The following FSTL4 variants were observed in gnomAD, a reference collection of about 807,000 sequenced individuals.
FSTL4 encodes follistatin-related protein 4.
FSTL4 carries 28 observed loss-of-function variants against 78.2 expected under a neutral mutation model. That is an observed-to-expected ratio of 0.36 (90% confidence interval 0.27 to 0.49). The LOEUF (loss-of-function observed/expected upper bound fraction) is 0.49. Among genes scored for constraint, FSTL4 ranks in the 20% least tolerant of loss-of-function variants. The pLI, the probability that FSTL4 is intolerant of heterozygous loss-of-function variation, is 0.98. For synonymous variants in FSTL4, 422 were observed against 440.5 expected (o/e 0.96, Z 0.53); for missense variants, 922 against 1,084.9 (o/e 0.85, Z 2.11).
intron 6 of FSTL4, among the ~76,000 whole-genome samples, chr5:133,256,992 C>A (rs1009234197): frequency 3.0e-4 from 46 of 152,202 alleles, no homozygotes; most frequent in African/African-American, 1.1e-3. Flanking sequence ...GAACAAACAC[C>A]TTTGTAAGCT....
intron 3 of FSTL4, among the ~76,000 whole-genome samples, chr5:133,556,557 C>T (rs762072555): frequency 1.3e-5 from 2 of 152,126 alleles, no homozygotes; most frequent in Non-Finnish European, 2.9e-5. Context: ...GAAACCCCGT[C>T]TCTACCAAAA....
intron 3 of FSTL4, among the ~76,000 whole-genome samples, chr5:133,497,445 T>C (rs571875907): frequency 1.3e-4 from 20 of 152,352 alleles, no homozygotes; most frequent in African/African-American, 3.4e-4. Flanking sequence ...CCATAGCTGC[T>C]GAGAGTATTT....
chr5:133,486,108 T>A (rs558794848), intron 3 of FSTL4, among the ~76,000 whole-genome samples: 1 of 151,684 alleles, frequency 6.6e-6, no homozygotes, highest in African/African-American at 2.4e-5. Context: ...CACGGGCTCA[T>A]GGAGGAGAAT....
chr5:133,650,327 G>A, the FSTL4 span, among the ~76,000 whole-genome samples: 1 of 152,064 alleles, frequency 6.6e-6, no homozygotes, highest in Non-Finnish European at 1.5e-5. Context: ...TTTCTTTTAT[G>A]GGTTGTGCCT....
intron 6 of FSTL4, among the ~76,000 whole-genome samples, chr5:133,278,027 G>C (rs928733874): frequency 1.3e-5 from 2 of 152,168 alleles, no homozygotes; most frequent in African/African-American, 4.8e-5. Flanking sequence ...GCAGGAGGGT[G>C]AGCCTAATTC....
At chr5:133,556,970 G>A (rs983555517) in intron 3 of FSTL4, among the ~76,000 whole-genome samples, 3 of 152,130 alleles carry the variant, frequency 2.0e-5, no homozygotes, top group African/African-American at 7.2e-5. Context: ...ATGTGCTTTG[G>A]CTAAAGTGCT....
At chr5:133,677,970 T>C in the FSTL4 span, among the ~76,000 whole-genome samples, 1 of 152,234 alleles carries the variant, frequency 6.6e-6, no homozygotes, top group African/African-American at 2.4e-5. Context: ...AAGTGCAACA[T>C]GATGTTTTGA....
the FSTL4 span, among the ~76,000 whole-genome samples, chr5:133,775,261 T>G: frequency 6.6e-6 from 1 of 152,238 alleles, no homozygotes; most frequent in Non-Finnish European, 1.5e-5. Context: ...CAAGCCTGAA[T>G]AGGGAAATTA....
intron 2 of FSTL4, among the ~76,000 whole-genome samples, chr5:133,589,474 G>T (rs1760577996): frequency 6.6e-6 from 1 of 152,048 alleles, no homozygotes; most frequent in South Asian, 2.1e-4. Context: ...TAGCTGCCAA[G>T]TCCCCAGTGG....
chr5:133,786,908 T>G, the FSTL4 span, among the ~76,000 whole-genome samples: 1 of 152,168 alleles, frequency 6.6e-6, no homozygotes, highest in Non-Finnish European at 1.5e-5. Flanking sequence ...CCATTCTCAT[T>G]TCACAGATAA....
the FSTL4 span, among the ~76,000 whole-genome samples, chr5:133,753,260 G>A: frequency 6.6e-6 from 1 of 152,176 alleles, no homozygotes; most frequent in African/African-American, 2.4e-5. Context: ...GAGATCTGGA[G>A]GGTTCTTTTG....
the FSTL4 span, among the ~76,000 whole-genome samples, chr5:133,740,177 C>A: frequency 1.8e-4 from 28 of 152,176 alleles, no homozygotes; most frequent in Non-Finnish European, 4.0e-4. Flanking sequence ...CACCACCACA[C>A]CCAGTCCGAA....
At chr5:133,652,384 A>C in the FSTL4 span, among the ~76,000 whole-genome samples, 1 of 152,164 alleles carries the variant, frequency 6.6e-6, no homozygotes, top group East Asian at 1.9e-4. Flanking sequence ...ATATGCATTC[A>C]GTGCTATACA....
chr5:133,442,221 G>A (rs1437316356), intron 3 of FSTL4, among the ~76,000 whole-genome samples: 1 of 152,180 alleles, frequency 6.6e-6, no homozygotes, highest in Non-Finnish European at 1.5e-5. Flanking sequence ...CTACATGTCC[G>A]TGCCATGGGA....
intron 4 of FSTL4, among the ~76,000 whole-genome samples, chr5:133,371,251 C>T (rs1052991714): frequency 6.6e-6 from 1 of 152,282 alleles, no homozygotes; most frequent in Non-Finnish European, 1.5e-5. Flanking sequence ...CTCCGAGACT[C>T]TGACCACGTA....
intron 14 of FSTL4, chr5:133,202,758 A>G (rs1400152409): frequency 6.6e-6 from 1 of 152,240 alleles, no homozygotes; most frequent in Non-Finnish European, 1.5e-5. Flanking sequence ...AAAGTCAACA[A>G]TTAGGCCCTG....
chr5:133,652,204 T>C, the FSTL4 span, among the ~76,000 whole-genome samples: 2 of 152,124 alleles, frequency 1.3e-5, no homozygotes, highest in African/African-American at 4.8e-5. Flanking sequence ...AAGCAGCTTT[T>C]AGTTTTATTG....
the FSTL4 span, among the ~76,000 whole-genome samples, chr5:133,792,215 G>A: frequency 1.1e-4 from 17 of 152,086 alleles, no homozygotes; most frequent in Non-Finnish European, 1.8e-4. Flanking sequence ...TTGCTGCACA[G>A]CCTGCCCTCA....
chr5:133,620,325 A>G, the FSTL4 span, among the ~76,000 whole-genome samples: 1 of 152,328 alleles, frequency 6.6e-6, no homozygotes, highest in East Asian at 1.9e-4. Context: ...GTGGGTGTGG[A>G]TACAGCCTTT....
Sources: gnomAD v4.1 joint callset for allele counts (sites outside exome capture counted in the v4.1 genomes callset) on GRCh38, gnomAD v4.1.1 for gene constraint, MANE v1.5 for transcripts, NCBI Gene and HGNC (gene_info 2026-07-23, HGNC 2026-07-21) for gene names.